The following OPCML variants were observed in gnomAD, a reference collection of about 807,000 sequenced individuals.
The protein encoded by OPCML is opioid-binding protein/cell adhesion molecule.
OPCML carries 13 observed loss-of-function variants against 37.8 expected under a neutral mutation model. The observed-to-expected ratio is 0.34, with a 90% confidence interval of 0.22 to 0.55. The LOEUF (loss-of-function observed/expected upper bound fraction) is 0.55, where lower values mean the gene tolerates loss of function less well. Among genes scored for constraint, OPCML ranks in the 20% least tolerant of loss-of-function variants. The pLI, the probability that OPCML is intolerant of heterozygous loss-of-function variation, is 0.91. For synonymous variants in OPCML, 176 were observed against 168.8 expected (o/e 1.04, Z -0.33); for missense variants, 341 against 435.6 (o/e 0.78, Z 1.93).
rs762706667 is a variant in OPCML, at chr11:133,119,078, C to T, written c.62-176068G>A. Among the ~76,000 whole-genome samples, 5 of 152,170 alleles carry T rather than the reference C, an allele frequency of 3.3e-5. No individual in the cohort carries two copies. The East Asian group carries it at 5.8e-4, about 18-fold the overall frequency. The stretch of plus-strand genomic sequence containing the variant: ...GCATATAAATAGCACATCATGCCAG[C>T]GCTTGGCAAGTTTTTTATCAGCATC... On this transcript the variant is annotated intron_variant, in intron 1 of 7. Coordinates refer to ENST00000524381, the MANE Select transcript of OPCML (RefSeq NM_001012393.5).
chr11:132,952,779 C>G lies in OPCML; in HGVS notation c.62-9769G>C, dbSNP rs73026220. Among the ~76,000 whole-genome samples the G allele has an allele frequency of 2.0e-5, 3 of 152,052 alleles. No individual in the cohort carries two copies. The South Asian group carries it at 6.2e-4, about 32-fold the overall frequency. On this transcript the variant is annotated intron_variant, in intron 1 of 7. Coordinates refer to ENST00000524381, the MANE Select transcript of OPCML (RefSeq NM_001012393.5). ...AGCTTCCTCACAGGATGGCTGTGAG[C>G]GCGGTGATGCATGGGAAAGTGCCCT...
chr11:132,902,460 G>A (rs1944096576), intron 2 of OPCML, among the ~76,000 whole-genome samples: 3 of 152,132 alleles, frequency 2.0e-5, no homozygotes, highest in Admixed American at 1.3e-4. Context: ...GCTGTTGAGC[G>A]GCCTGCAGTG....
At chr11:132,853,997 A>G (rs916135508) in intron 2 of OPCML, among the ~76,000 whole-genome samples, 2 of 152,184 alleles carry the variant, frequency 1.3e-5, no homozygotes, top group Non-Finnish European at 1.5e-5. Flanking sequence ...CTCAGATCAC[A>G]CAGGGTAAGG....
At chr11:132,807,110 T>C (rs1402011675) in intron 2 of OPCML, among the ~76,000 whole-genome samples, 1 of 152,150 alleles carries the variant, frequency 6.6e-6, no homozygotes, top group African/African-American at 2.4e-5. Context: ...ATTTCCACTG[T>C]AAGTAGATAA....
At chr11:132,808,411 T>C (rs189078963) in intron 2 of OPCML, among the ~76,000 whole-genome samples, 2 of 152,206 alleles carry the variant, frequency 1.3e-5, no homozygotes, top group Non-Finnish European at 2.9e-5. Flanking sequence ...AAAGCATTAC[T>C]GGTCAGGGAA....
chr11:133,125,893 T>TACGCATGTATATATAG (rs1565459972), intron 1 of OPCML, among the ~76,000 whole-genome samples: 4 of 120,886 alleles, frequency 3.3e-5, no homozygotes, highest in Non-Finnish European at 5.3e-5. Context: ...ATATAGTATA[T>TACGCATGTATATATAG]ACACATGTAT....
At chr11:133,278,075 C>T (rs1365292000) in intron 1 of OPCML, among the ~76,000 whole-genome samples, 1 of 152,184 alleles carries the variant, frequency 6.6e-6, no homozygotes, top group East Asian at 1.9e-4. Flanking sequence ...GAGCCGGGGA[C>T]ACCTTGGTCT....
chr11:132,471,073 AC>A (rs2136959490), intron 4 of OPCML, among the ~76,000 whole-genome samples: 1 of 152,338 alleles, frequency 6.6e-6, no homozygotes, highest in South Asian at 2.1e-4. Context: ...CTCATGAGCA[AC>A]CGTTTCCAGT....
intron 1 of OPCML, chr11:133,003,887 T>C: frequency 2.0e-6 from 2 of 985,344 alleles, no homozygotes; most frequent in Non-Finnish European, 2.4e-6. Context: ...CTTTTGACAG[T>C]TGTCAGGATC....
intron 1 of OPCML, among the ~76,000 whole-genome samples, chr11:133,053,661 G>T (rs1299437526): frequency 6.6e-6 from 1 of 152,136 alleles, no homozygotes; most frequent in East Asian, 1.9e-4. Flanking sequence ...TGGCTTCTGG[G>T]AAAGCACGCT....
chr11:132,666,857 A>G (rs1942249333), intron 2 of OPCML, among the ~76,000 whole-genome samples: 1 of 152,222 alleles, frequency 6.6e-6, no homozygotes, highest in South Asian at 2.1e-4. Flanking sequence ...ATGTCTGCAT[A>G]GGTTTAACTA....
intron 1 of OPCML, among the ~76,000 whole-genome samples, chr11:132,944,756 C>G (rs1468037901): frequency 2.0e-5 from 3 of 152,154 alleles, no homozygotes; most frequent in African/African-American, 7.2e-5. Context: ...GCTCTAAACC[C>G]CAGAGCTCCG....
At chr11:132,911,617 C>A (rs542955917) in intron 2 of OPCML, among the ~76,000 whole-genome samples, 2 of 152,184 alleles carry the variant, frequency 1.3e-5, no homozygotes, top group Non-Finnish European at 2.9e-5. Flanking sequence ...TCCAGTCATA[C>A]AATGTACCAT....
At chr11:132,606,555 C>A (rs1938308194) in intron 3 of OPCML, among the ~76,000 whole-genome samples, 1 of 152,064 alleles carries the variant, frequency 6.6e-6, no homozygotes, top group African/African-American at 2.4e-5. Context: ...GGGCTGCCAC[C>A]ACCCCCGTCT....
chr11:133,508,136 T>C (rs12796600), intron 1 of OPCML, among the ~76,000 whole-genome samples: 30,160 of 151,966 alleles, frequency 0.2, 3,540 homozygotes, highest in African/African-American at 0.3. Context: ...TTTGTAAGCT[T>C]CCCCAGGTTG....
intron 1 of OPCML, among the ~76,000 whole-genome samples, chr11:133,308,403 A>G (rs779633339): frequency 3.3e-5 from 5 of 152,210 alleles, no homozygotes; most frequent in Non-Finnish European, 7.3e-5. Flanking sequence ...TAGATAATCA[A>G]TGCCAGATTT....
At chr11:132,649,766 T>G (rs1250219331) in intron 3 of OPCML, among the ~76,000 whole-genome samples, 3 of 152,110 alleles carry the variant, frequency 2.0e-5, no homozygotes, top group African/African-American at 7.2e-5. Flanking sequence ...CGTATACATA[T>G]ATATGCTTGA....
chr11:132,715,220 T>C (rs902354090), intron 2 of OPCML, among the ~76,000 whole-genome samples: 74 of 152,210 alleles, frequency 4.9e-4, no homozygotes, highest in African/African-American at 1.7e-3. Flanking sequence ...GGGAATAGTT[T>C]AACTGGCTCA....
At chr11:132,733,900 G>C (rs922997822) in intron 2 of OPCML, among the ~76,000 whole-genome samples, 26 of 152,144 alleles carry the variant, frequency 1.7e-4, no homozygotes, top group African/African-American at 6.3e-4. Flanking sequence ...ACAGTCAAAA[G>C]CAGTATCAAG....
Sources: gnomAD v4.1 joint callset for allele counts (sites outside exome capture counted in the v4.1 genomes callset) on GRCh38, gnomAD v4.1.1 for gene constraint, MANE v1.5 for transcripts, NCBI Gene and HGNC (gene_info 2026-07-23, HGNC 2026-07-21) for gene names.